The following SULT4A1 variants were observed in gnomAD, a reference collection of about 807,000 sequenced individuals.
SULT4A1 encodes sulfotransferase 4A1.
In SULT4A1, 11 loss-of-function variants were observed where a neutral mutation model predicts 35.2. The ratio of observed to expected loss-of-function variants is 0.31; its 90% CI spans 0.20 to 0.52. The LOEUF is 0.52. Among genes scored for constraint, SULT4A1 ranks in the 20% least tolerant of loss-of-function variants. SULT4A1 has a pLI of 0.97. For synonymous variants in SULT4A1, 152 were observed against 151.8 expected (o/e 1.00, Z -0.01); for missense variants, 271 against 383.7 (o/e 0.71, Z 2.45).
intron 4 of SULT4A1, among the ~76,000 whole-genome samples, chr22:43,838,489 C>A (rs1384850067): frequency 1.3e-5 from 2 of 152,270 alleles, no homozygotes; most frequent in Non-Finnish European, 2.9e-5. Context: ...TAGCTCCAGT[C>A]TCCACTCCAG....
chr22:43,849,143 C>T lies in SULT4A1; in HGVS notation c.170-7211G>A, dbSNP rs138619711. Among the ~76,000 whole-genome samples the T allele has an allele frequency of 2.2e-3, 329 of 152,250 alleles. 2 individuals carry two copies. The highest frequency in any genetic ancestry group is 3.3e-3 in the Non-Finnish European group (225 of 67,968). Reference sequence around the variant, plus strand: ...GGGCATGGCCTGTCTCAACACCGGGCACAGAGCCCATCAAAATTCCCACCA... The same window carrying T: ...GGGCATGGCCTGTCTCAACACCGGGTACAGAGCCCATCAAAATTCCCACCA... On this transcript the variant is annotated intron_variant, in intron 1 of 6. Transcript: ENST00000330884.
intron 1 of SULT4A1, among the ~76,000 whole-genome samples, chr22:43,843,680 GT>G (rs1333434629): frequency 2.6e-5 from 4 of 152,260 alleles, no homozygotes; most frequent in Non-Finnish European, 5.9e-5. Flanking sequence ...ACACATGGGG[GT>G]TCCTGGAGGG....
At position 43,862,304 on chromosome 22, in the gene SULT4A1, G is replaced by A. The variant is rs1301012858; in HGVS notation, c.79C>T (p.Leu27=). Residue 27 remains leucine, a synonymous_variant, in exon 1 of 7, where the codon CTG becomes TTG. Coordinates refer to ENST00000330884, the MANE Select transcript of SULT4A1 (RefSeq NM_014351.4). ...SKYFEFHGVR[L]PPFCRGKMEE... is the part of the protein sequence containing the mutation. ...ATCTTCCCGCGGCAGAAGGGCGGCA[G>A]CCGCACGCCATGGAACTCGAAGTAC... 6.4e-7 allele frequency: 1 copy of A among 1,569,548 alleles called. No individual in the cohort carries two copies. Among genetic ancestry groups the A allele is most frequent in the Admixed American group, 1.8e-5 (1 of 56,084 alleles).
chr22:43,840,561 G>A (rs138074), intron 2 of SULT4A1, among the ~76,000 whole-genome samples: 35,746 of 152,100 alleles, frequency 0.24, 4,418 homozygotes, highest in African/African-American at 0.32. Context: ...CTACTGCCCC[G>A]GCTTGGAGTG....
intron 1 of SULT4A1, among the ~76,000 whole-genome samples, chr22:43,852,972 C>T (rs1490562279): frequency 1.3e-5 from 2 of 152,028 alleles, no homozygotes; most frequent in African/African-American, 2.4e-5. Flanking sequence ...GGCAGTGAAC[C>T]CAGCACCTCA....
intron 3 of SULT4A1, among the ~76,000 whole-genome samples, chr22:43,839,413 G>T (rs1009517878): frequency 2.0e-5 from 3 of 152,162 alleles, no homozygotes; most frequent in Non-Finnish European, 4.4e-5. Context: ...GACCAACATG[G>T]TGAAACCCTG....
At chr22:43,827,508 A>G (rs767520190) in intron 6 of SULT4A1, 16 of 1,337,590 alleles carry the variant, frequency 1.2e-5, no homozygotes, top group Non-Finnish European at 1.5e-5. Flanking sequence ...CAGAGGAGTC[A>G]CCCACCTGGT....
intron 1 of SULT4A1, among the ~76,000 whole-genome samples, chr22:43,854,450 C>A (rs1210768368): frequency 6.6e-6 from 1 of 152,210 alleles, no homozygotes; most frequent in Non-Finnish European, 1.5e-5. Context: ...CCAAGACCAG[C>A]TGGGAAAGAA....
chr22:43,844,790 A>ATGGGACAT (rs2063461908), intron 1 of SULT4A1, among the ~76,000 whole-genome samples: 1 of 152,122 alleles, frequency 6.6e-6, no homozygotes, highest in African/African-American at 2.4e-5. Context: ...CCTGCAGTGC[A>ATGGGACAT]CACCCTGGGA....
intron 1 of SULT4A1, among the ~76,000 whole-genome samples, chr22:43,858,707 C>T (rs1381070791): frequency 6.6e-6 from 1 of 152,118 alleles, no homozygotes; most frequent in East Asian, 1.9e-4. Context: ...CAGGTGCTAG[C>T]TCCCACCCCC....
intron 1 of SULT4A1, among the ~76,000 whole-genome samples, chr22:43,849,095 G>A (rs1484723989): frequency 1.3e-5 from 2 of 152,200 alleles, no homozygotes; most frequent in African/African-American, 2.4e-5. Context: ...TGCTGTTCTG[G>A]GGTGGAACTC....
At position 43,833,686 on chromosome 22, in the gene SULT4A1, C is replaced by A. The variant is rs746018922; in HGVS notation, c.557G>T (p.Arg186Leu). 3.8e-6 allele frequency: 6 copies of A among 1,591,434 alleles called. No individual in the cohort carries two copies. The highest frequency in any genetic ancestry group is 1.8e-5 in the Admixed American group (1 of 56,870). The change falls in exon 5 of 7, where the codon CGC becomes CTC. Residue 186 changes from arginine to leucine, a missense_variant. Arg to Leu is a moderately radical substitution (Grantham distance 102, BLOSUM62 -2). This residue lies in a region of SULT4A1 where 75 missense variants were observed against 67.7 expected (regional missense o/e 1.11). Transcript: ENST00000330884. ...FEHVQEFWEH[R>L]MDSNVLFLKY... ...GAGAAAAAGCACGTTCGAGTCCATGCGGTGCTCCCAGAACTCCTGCACGTG... is the reference window on the plus strand; with the variant it reads ...GAGAAAAAGCACGTTCGAGTCCATGAGGTGCTCCCAGAACTCCTGCACGTG...
chr22:43,838,825 G>C, intron 4 of SULT4A1, 42 bp downstream of exon 4: 2 of 1,611,460 alleles, frequency 1.2e-6, no homozygotes, highest in Non-Finnish European at 1.7e-6. Context: ...CACGACAACA[G>C]ACGGCTCCGG....
chr22:43,854,832 T>C (rs1030070109), intron 1 of SULT4A1, among the ~76,000 whole-genome samples: 3 of 152,216 alleles, frequency 2.0e-5, no homozygotes, highest in African/African-American at 7.2e-5. Flanking sequence ...CCTTGCCTTC[T>C]GAGACCACCT....
chr22:43,841,426 G>A (rs767557305), intron 2 of SULT4A1, among the ~76,000 whole-genome samples: 1 of 152,170 alleles, frequency 6.6e-6, no homozygotes, highest in Non-Finnish European at 1.5e-5. Flanking sequence ...GGGCTCTGGG[G>A]TAACATTTAT....
intron 1 of SULT4A1, among the ~76,000 whole-genome samples, chr22:43,844,492 C>T (rs530149044): frequency 2.0e-5 from 3 of 152,306 alleles, no homozygotes; most frequent in East Asian, 3.9e-4. Context: ...GTCTGGGAAC[C>T]GTCCCTCTAG....
chr22:43,832,469 C>T (rs1185445388), intron 5 of SULT4A1, among the ~76,000 whole-genome samples: 3 of 152,154 alleles, frequency 2.0e-5, no homozygotes, highest in Non-Finnish European at 4.4e-5. Flanking sequence ...CACGCTCCTG[C>T]GAAGGCCGAC....
At chr22:43,857,542 AT>A (rs1373479118) in intron 1 of SULT4A1, among the ~76,000 whole-genome samples, 3 of 152,184 alleles carry the variant, frequency 2.0e-5, no homozygotes, top group Non-Finnish European at 4.4e-5. Flanking sequence ...ATGGCTGAGA[AT>A]TTTTCCAAAA....
intron 5 of SULT4A1, among the ~76,000 whole-genome samples, chr22:43,829,671 C>T (rs890676929): frequency 6.6e-5 from 10 of 152,214 alleles, no homozygotes; most frequent in African/African-American, 1.9e-4. Context: ...GGCAAGATTC[C>T]GTCATGCCTG....
Sources: allele counts gnomAD v4.1 joint callset (sites outside exome capture counted in the v4.1 genomes callset), GRCh38; gene constraint gnomAD v4.1.1; regional missense constraint gnomAD v4.1.1; transcripts MANE v1.5; gene names NCBI Gene and HGNC (gene_info 2026-07-23, HGNC 2026-07-21).